The following ANK1 variants were observed in gnomAD, a reference collection of about 807,000 sequenced individuals.
ANK1 encodes the protein ankyrin-1.
A neutral mutation model predicts 210.4 loss-of-function variants in ANK1; 51 were observed. The observed-to-expected ratio is 0.24, with a 90% CI of 0.19 to 0.31. The LOEUF is 0.31. Ranked by LOEUF, ANK1 falls within the 10% of genes least tolerant of loss-of-function variation. ANK1 has a pLI of 1.00. For synonymous variants in ANK1, 967 were observed against 1,025.9 expected (o/e 0.94, Z 1.10); for missense variants, 2,051 against 2,504.4 (o/e 0.82, Z 3.86).
intron 2 of ANK1, among the ~76,000 whole-genome samples, chr8:41,750,483 G>A (rs561857021): frequency 6.6e-6 from 1 of 152,282 alleles, no homozygotes; most frequent in Admixed American, 6.5e-5. Flanking sequence ...CAAAGTGATG[G>A]TGCTTAGTCT....
chr8:41,748,758 A>G lies in ANK1; in HGVS notation c.129+9278T>C, dbSNP rs62508185. 2.9e-3 allele frequency among the ~76,000 whole-genome samples: 443 copies of G among 152,354 alleles called. 3 individuals carry two copies. The highest frequency in any genetic ancestry group is 8.4e-3 in the Admixed American group (129 of 15,312). On this transcript the variant is annotated intron_variant, in intron 2 of 42. Coordinates refer to ENST00000289734, the MANE Select transcript of ANK1 (RefSeq NM_000037.4). ...CAAAAAATATTTGTTGAATGAAGCC[A>G]GGCGCGGTGGCTTACGCCTGTAATC...
intron 1 of ANK1, among the ~76,000 whole-genome samples, chr8:41,887,236 C>T (rs1818608652): frequency 1.4e-5 from 2 of 139,180 alleles, no homozygotes; most frequent in East Asian, 2.1e-4. Flanking sequence ...TCTTTTCTTT[C>T]CTTTCCTTTT....
intron 1 of ANK1, among the ~76,000 whole-genome samples, chr8:41,831,987 A>G (rs1486626194): frequency 1.3e-5 from 2 of 152,164 alleles, no homozygotes; most frequent in Non-Finnish European, 2.9e-5. Context: ...GGGGTGAAGA[A>G]TAGATCTGTG....
chr8:41,865,653 C>T (rs893690928), intron 1 of ANK1, among the ~76,000 whole-genome samples: 8 of 152,078 alleles, frequency 5.3e-5, no homozygotes, highest in Non-Finnish European at 1.5e-5. Flanking sequence ...AATGCACATG[C>T]CACCATGCAC....
At chr8:41,772,879 C>T (rs2150736132) in intron 1 of ANK1, among the ~76,000 whole-genome samples, 1 of 152,268 alleles carries the variant, frequency 6.6e-6, no homozygotes, top group Admixed American at 6.5e-5. Flanking sequence ...GGAACTCCAC[C>T]CTTTACCGAG....
intron 1 of ANK1, among the ~76,000 whole-genome samples, chr8:41,832,398 G>A (rs965691062): frequency 2.0e-5 from 3 of 152,054 alleles, no homozygotes; most frequent in Non-Finnish European, 2.9e-5. Flanking sequence ...GTCAGAATGC[G>A]TCCCCTCACT....
At chr8:41,671,454 C>T (rs1812254867) in intron 38 of ANK1, among the ~76,000 whole-genome samples, 1 of 152,184 alleles carries the variant, frequency 6.6e-6, no homozygotes, top group Admixed American at 6.5e-5. Flanking sequence ...AGCTGACCCA[C>T]GGTCTTCCCC....
At chr8:41,743,137 G>A (rs1329659492) in intron 2 of ANK1, among the ~76,000 whole-genome samples, 3 of 152,174 alleles carry the variant, frequency 2.0e-5, no homozygotes, top group Non-Finnish European at 4.4e-5. Flanking sequence ...TACGTTTGCA[G>A]GTCTGCAGCC....
chr8:41,859,497 C>A (rs1332849578), intron 1 of ANK1, among the ~76,000 whole-genome samples: 3 of 152,192 alleles, frequency 2.0e-5, no homozygotes, highest in Non-Finnish European at 2.9e-5. Context: ...CAGGCACACA[C>A]AACCACGCCT....
intron 1 of ANK1, among the ~76,000 whole-genome samples, chr8:41,807,050 CTCAT>C (rs1851071316): frequency 6.6e-6 from 1 of 152,204 alleles, no homozygotes; most frequent in South Asian, 2.1e-4. Flanking sequence ...TTACTATGTT[CTCAT>C]TCATTCATTT....
Position 41,663,743 on chromosome 8 carries a change from C to T in ANK1, c.5395-1G>A. On this transcript the variant is annotated splice_acceptor_variant, in intron 39 of 42. Transcript: ENST00000289734. LOFTEE classifies it high-confidence loss of function. Reference sequence around the variant, plus strand: ...CTGGAATATTCTGAAACTCATTCCCCTGGAATTAGAGAAAGGGAGAAAATG... The same window carrying T: ...CTGGAATATTCTGAAACTCATTCCCTTGGAATTAGAGAAAGGGAGAAAATG... 1 of 1,612,580 alleles carries T rather than the reference C, an allele frequency of 6.2e-7. No individual in the cohort carries two copies.
chr8:41,820,060 G>A (rs144710441), intron 1 of ANK1, among the ~76,000 whole-genome samples: 177 of 152,238 alleles, frequency 1.2e-3, no homozygotes, highest in African/African-American at 3.8e-3. Context: ...ACCATCTCTG[G>A]GAGGGAGAGA....
In ANK1 at chr8:41,655,712, C is replaced by A; in HGVS notation, c.*78G>T. The A allele has an allele frequency of 3.1e-6, 5 of 1,613,918 alleles. No individual in the cohort carries two copies. Among genetic ancestry groups the A allele is most frequent in the Non-Finnish European group, 4.2e-6 (5 of 1,179,878 alleles). ...TCCAGCTCTCCTCCTGTGTGCATGG[C>A]AGAGTGTGTGGGGTTCAGGGGTTGG... On this transcript the variant is annotated 3_prime_UTR_variant, in exon 43 of 43. Coordinates refer to ENST00000289734, the MANE Select transcript of ANK1 (RefSeq NM_000037.4).
chr8:41,767,660 T>C (rs886719816), intron 1 of ANK1, among the ~76,000 whole-genome samples: 1 of 151,936 alleles, frequency 6.6e-6, no homozygotes, highest in Admixed American at 6.5e-5. Flanking sequence ...GCGAAGGGGG[T>C]GCGCGCGGGG....
chr8:41,824,885 G>C (rs1156862223), intron 1 of ANK1, among the ~76,000 whole-genome samples: 3 of 152,232 alleles, frequency 2.0e-5, no homozygotes, highest in Non-Finnish European at 4.4e-5. Flanking sequence ...GCTGGGGCTG[G>C]CTGGCTGTAG....
intron 2 of ANK1, among the ~76,000 whole-genome samples, chr8:41,748,276 A>T (rs983754950): frequency 1.3e-5 from 2 of 152,220 alleles, no homozygotes; most frequent in African/African-American, 4.8e-5. Context: ...TTAATACCAC[A>T]ACACCATCAT....
intron 1 of ANK1, among the ~76,000 whole-genome samples, chr8:41,815,353 C>A (rs1459958589): frequency 6.6e-6 from 1 of 152,008 alleles, no homozygotes; most frequent in Non-Finnish European, 1.5e-5. Flanking sequence ...ACAAAACACC[C>A]TTGTTGTTAG....
rs371751864 is a variant in ANK1, at chr8:41,823,983, A to G, written c.127-65846T>C. 4.6e-5 allele frequency among the ~76,000 whole-genome samples: 7 copies of G among 152,184 alleles called. No individual in the cohort carries two copies. In the East Asian group the frequency reaches 1.4e-3, roughly 30 times the overall value. On this transcript the variant is annotated intron_variant, in intron 1 of 42. Transcript: ENST00000265709. ...TTTTGTCTTGTTTTGTTTTTGAGACAGAGTCTCGCTCTGTTGCCCAGGCTG... is the reference window on the plus strand; with the variant it reads ...TTTTGTCTTGTTTTGTTTTTGAGACGGAGTCTCGCTCTGTTGCCCAGGCTG...
At chr8:41,890,432 G>A (rs995309581) in intron 1 of ANK1, among the ~76,000 whole-genome samples, 1 of 152,224 alleles carries the variant, frequency 6.6e-6, no homozygotes, top group Non-Finnish European at 1.5e-5. Flanking sequence ...GCTGGGTGGG[G>A]GCACAATGGC....
Sources: allele counts gnomAD v4.1 joint callset (sites outside exome capture counted in the v4.1 genomes callset), GRCh38; gene constraint gnomAD v4.1.1; transcripts MANE v1.5; gene names NCBI Gene and HGNC (gene_info 2026-07-23, HGNC 2026-07-21).